The following ARHGEF1 variants were observed in gnomAD, a reference collection of about 807,000 sequenced individuals.
ARHGEF1 encodes Rho guanine nucleotide exchange factor 1, also known as 115 kDa guanine nucleotide exchange factor.
In ARHGEF1, 40 loss-of-function variants were observed where a neutral mutation model predicts 119.7. That is an observed-to-expected ratio of 0.33 (90% confidence interval 0.26 to 0.44). ARHGEF1 has a LOEUF of 0.44. ARHGEF1 is among the 20% of genes least tolerant of loss of function. The probability of loss-of-function intolerance (pLI) is 1.00; values close to 1 mark genes in which losing one functional copy is unlikely to be tolerated. For synonymous variants in ARHGEF1, 494 were observed against 521.0 expected (o/e 0.95, Z 0.71); for missense variants, 976 against 1,268.3 (o/e 0.77, Z 3.50).
At chr19:41,927,587 T>C (rs1555853381) in intron 1 of ARHGEF1, among the ~76,000 whole-genome samples, 2 of 152,074 alleles carry the variant, frequency 1.3e-5, no homozygotes, top group African/African-American at 4.8e-5. Context: ...TCCAGTCTCT[T>C]GGCTTTGAGC....
chr19:41,912,991 C>G (rs2074762915), intron 18 of ARHGEF1: 5 of 801,662 alleles, frequency 6.2e-6, no homozygotes, highest in Non-Finnish European at 8.4e-6. Context: ...AGACACAGGT[C>G]AGCCAGCGGG....
chr19:41,918,344 C>T (rs1234938065), upstream of ARHGEF1, among the ~76,000 whole-genome samples: 1 of 151,224 alleles, frequency 6.6e-6, no homozygotes, highest in Non-Finnish European at 1.5e-5. Context: ...GTACACACCA[C>T]ATACACCATA....
chr19:41,915,403 CGTCT>C (rs1402175607), intron 18 of ARHGEF1, among the ~76,000 whole-genome samples: 3 of 151,722 alleles, frequency 2.0e-5, no homozygotes, highest in Admixed American at 2.0e-4. Flanking sequence ...TGTCCCCGTC[CGTCT>C]GTCCGTCCCT....
rs1164346640 is a variant in ARHGEF1, at chr19:41,914,571, C to A, written c.1865+7768C>A. On this transcript the variant is annotated intron_variant, in intron 18 of 20. Transcript: ENST00000599589. Reference sequence around the variant, plus strand: ...TTCCCTCCCCTTCCACCATCTCTGTCTCCGTCTCTCCCTCCCTTTCCACCA... The same window carrying A: ...TTCCCTCCCCTTCCACCATCTCTGTATCCGTCTCTCCCTCCCTTTCCACCA... Among the ~76,000 whole-genome samples, 168 of 28,300 alleles carry A rather than the reference C, an allele frequency of 5.9e-3. 13 individuals are homozygous for A. Among genetic ancestry groups the A allele is most frequent in the African/African-American group, 0.017 (156 of 9,428 alleles). 18.6% of individuals were successfully genotyped at this position (28,300 alleles called of 152,430 possible). A position where few individuals can be genotyped will look rare whatever the true frequency, so the allele number is the denominator to read the frequency against.
intron 14 of ARHGEF1, among the ~76,000 whole-genome samples, chr19:41,900,493 G>T (rs782235016): frequency 1.3e-4 from 20 of 152,164 alleles, no homozygotes; most frequent in Admixed American, 2.6e-4. Flanking sequence ...ACAAAATCGT[G>T]CTTTTAGTCT....
chr19:41,888,749 C>G lies in ARHGEF1; in HGVS notation c.112-3C>G. ...TTGTACTCACCCCTTCCTGCACCCCCAGAACTCAGAAGAGCAAAACAGCCA... is the reference window on the plus strand; with the variant it reads ...TTGTACTCACCCCTTCCTGCACCCCGAGAACTCAGAAGAGCAAAACAGCCA... On this transcript the variant is annotated splice_polypyrimidine_tract_variant and splice_region_variant and intron_variant, in intron 3 of 28. Transcript: ENST00000354532. The surrounding 1 kb of genome is among the most constrained non-coding windows in gnomAD (Gnocchi z 5.1). The G allele has an allele frequency of 6.2e-7, 1 of 1,614,052 alleles. No homozygotes were observed. Among genetic ancestry groups the G allele is most frequent in the Non-Finnish European group, 8.5e-7 (1 of 1,179,898 alleles).
chr19:41,903,660 G>T lies in ARHGEF1; in HGVS notation c.1840-47G>T, dbSNP rs962443336. ...TACCAATGTGGGTCACTGCAGGTCAGCCCCAGCACTTAGCTTGTCCCCATA... is the reference window on the plus strand; with the variant it reads ...TACCAATGTGGGTCACTGCAGGTCATCCCCAGCACTTAGCTTGTCCCCATA... On this transcript the variant is annotated intron_variant, in intron 19 of 28. Coordinates refer to ENST00000354532, the MANE Select transcript of ARHGEF1 (RefSeq NM_004706.4). This position sits in a 1 kb window ranked among gnomAD's most constrained non-coding sequence, Gnocchi z 4.2. 26 of 1,591,146 alleles carry T rather than the reference G, an allele frequency of 1.6e-5. No homozygotes were observed. The highest frequency in any genetic ancestry group is 1.7e-5 in the Non-Finnish European group (20 of 1,164,588).
At chr19:41,909,298 T>G (rs2074739335), downstream of ARHGEF1, 3 of 1,233,212 alleles carry the variant, frequency 2.4e-6, no homozygotes, top group Non-Finnish European at 2.0e-6. This position sits in a 1 kb window ranked among gnomAD's most constrained non-coding sequence, Gnocchi z 5.2. Context: ...GGGAGGAGCA[T>G]CTGGCCCTGG....
In ARHGEF1 at chr19:41,893,367, G is replaced by A. The variant is rs1332203677; in HGVS notation, c.644+64G>A. The A allele has an allele frequency of 5.3e-3, 7,510 of 1,410,704 alleles. 228 individuals are homozygous for A. In the East Asian group the frequency reaches 0.082, roughly 15 times the overall value. 87.4% of individuals were successfully genotyped at this position (1,410,704 alleles called of 1,614,324 possible). On this transcript the variant is annotated intron_variant, in intron 8 of 28. Transcript: ENST00000354532. ...GAGGGAGGAGGGGGCTGAGGGCCTG[G>A]ACTCCTGGGTCTGAGGGAGGAGGAG...
At chr19:41,928,582 A>G (rs573566585) in intron 1 of ARHGEF1, 2,097 of 169,468 alleles carry the variant, frequency 0.012, 50 homozygotes, top group African/African-American at 0.048. Context: ...CTCGGCTCGC[A>G]GATATATGGA....
Position 41,905,385 on chromosome 19 carries a change from G to A in ARHGEF1, c.2336+124G>A. The A allele has an allele frequency of 1.2e-6, 1 of 826,506 alleles. No homozygotes were observed. Among genetic ancestry groups the A allele is most frequent in the Non-Finnish European group, 1.9e-6 (1 of 528,362 alleles). The allele number at this position is 826,506 out of a possible 1,614,324, so 51.2% of individuals were successfully genotyped here. ...TGCACATGTGTGAATGCATGTGTGT[G>A]CATACATGTGTGTCTGTACGCAAGT... is the stretch of plus-strand genomic sequence containing the variant. On this transcript the variant is annotated intron_variant, in intron 24 of 28. Coordinates refer to ENST00000354532, the MANE Select transcript of ARHGEF1 (RefSeq NM_004706.4). This position sits in a 1 kb window ranked among gnomAD's most constrained non-coding sequence, Gnocchi z 6.4.
intron 4 of ARHGEF1, chr19:41,890,365 G>C (rs868917920): frequency 2.6e-5 from 4 of 151,192 alleles, no homozygotes; most frequent in African/African-American, 7.3e-5. Context: ...AAAAAAGTGG[G>C]GCCGGGCATG....
downstream of ARHGEF1, chr19:41,908,749 G>T: frequency 1.3e-6 from 1 of 763,966 alleles, no homozygotes; most frequent in Non-Finnish European, 1.8e-6. The surrounding 1 kb of genome is among the most constrained non-coding windows in gnomAD (Gnocchi z 6.7). Context: ...CTGCCTCCCT[G>T]CCATATCCCA....
In ARHGEF1 at chr19:41,917,280, CTCTCTG is replaced by C. The variant is rs1555852030; in HGVS notation, c.1866-5803_1866-5798del. Among the ~76,000 whole-genome samples, 1 of 152,062 alleles carries C rather than the reference CTCTCTG, an allele frequency of 6.6e-6. No homozygotes were observed. The highest frequency in any genetic ancestry group is 1.9e-4 in the East Asian group (1 of 5,182). ...TCTCTCTGGGTGCATCTCTCTGTCT[CTCTCTG>C]TCTCTGTCCCTCTCTGTCTCTGAGC... is the stretch of plus-strand genomic sequence containing the variant. On this transcript the variant is annotated intron_variant, in intron 18 of 20. Transcript: ENST00000599589. This position sits in a 1 kb window ranked among gnomAD's most constrained non-coding sequence, Gnocchi z 4.8.
Position 41,902,261 on chromosome 19 carries a change from C to T in ARHGEF1, c.1415-13C>T. 1 of 1,613,994 alleles carries T rather than the reference C, an allele frequency of 6.2e-7. No individual in the cohort carries two copies. Among genetic ancestry groups the T allele is most frequent in the Non-Finnish European group, 8.5e-7 (1 of 1,179,918 alleles). ...GACCCTGGTGGAGCATCCCTTTCCT[C>T]CTGCCCCCACAGCCCTGTTCCTCGA... On this transcript the variant is annotated splice_polypyrimidine_tract_variant and intron_variant, in intron 15 of 28. Coordinates refer to ENST00000354532, the MANE Select transcript of ARHGEF1 (RefSeq NM_004706.4). This position sits in a 1 kb window ranked among gnomAD's most constrained non-coding sequence, Gnocchi z 6.5.
intron 13 of ARHGEF1, 120 bp downstream of exon 13, chr19:41,896,602 T>C: frequency 1.3e-6 from 1 of 796,672 alleles, no homozygotes; most frequent in Non-Finnish European, 2.2e-6. Context: ...CATGCTCCTC[T>C]GCTGCTCTCT....
At chr19:41,928,652 T>A (rs924272167) in intron 1 of ARHGEF1, 6 of 214,710 alleles carry the variant, frequency 2.8e-5, no homozygotes, top group Non-Finnish European at 5.8e-5. Flanking sequence ...ATAATTTTCC[T>A]CAAACTCGGA....
At chr19:41,884,546 C>T (rs925161667) in intron 1 of ARHGEF1, 55 of 1,597,632 alleles carry the variant, frequency 3.4e-5, no homozygotes, top group Non-Finnish European at 4.4e-5. Context: ...CACGTCCTCC[C>T]CGGCATCCCT....
Position 41,905,917 on chromosome 19 carries a change from C to A in ARHGEF1, c.2405-22C>A. 1.2e-6 allele frequency: 2 copies of A among 1,613,852 alleles called. No individual in the cohort carries two copies. On this transcript the variant is annotated intron_variant, in intron 25 of 28. Transcript: ENST00000354532. This position sits in a 1 kb window ranked among gnomAD's most constrained non-coding sequence, Gnocchi z 6.4. ...CAGGAGGCCCGGCAGGATCTGAGCT[C>A]CCTCTCTGTTCCCCAATCCAGCCCG... is the stretch of plus-strand genomic sequence containing the variant.
Sources: allele counts gnomAD v4.1 joint callset (sites outside exome capture counted in the v4.1 genomes callset), GRCh38; gene constraint gnomAD v4.1.1; non-coding constraint Gnocchi (gnomAD v3.1); transcripts MANE v1.5; gene names NCBI Gene and HGNC (gene_info 2026-07-23, HGNC 2026-07-21).